Variants in PCDH9 observed in about 807,000 individuals in gnomAD.
PCDH9 encodes the protein protocadherin-9.
In PCDH9, 24 loss-of-function variants were observed where a neutral mutation model predicts 70.6. That is an observed-to-expected ratio of 0.34 (90% CI 0.25 to 0.48). The LOEUF (loss-of-function observed/expected upper bound fraction) is 0.48, where lower values mean the gene tolerates loss of function less well. Ranked by LOEUF, PCDH9 falls within the 20% of genes least tolerant of loss-of-function variation. The pLI is 0.99. For missense variants in PCDH9, 1,281 were observed against 1,503.6 expected (o/e 0.85, Z 2.45); for synonymous variants, 562 against 558.5 (o/e 1.01, Z -0.09).
intron 3 of PCDH9, among the ~76,000 whole-genome samples, chr13:66,807,744 C>A (rs889636493): frequency 6.6e-6 from 1 of 152,020 alleles, no homozygotes; most frequent in African/African-American, 2.4e-5. Flanking sequence ...ATATGTCAGG[C>A]CCTTAGAATT....
At chr13:66,654,661 T>C (rs1248117651) in intron 3 of PCDH9, among the ~76,000 whole-genome samples, 1 of 152,068 alleles carries the variant, frequency 6.6e-6, no homozygotes, top group Non-Finnish European at 1.5e-5. Context: ...TGAGTTGACA[T>C]ATAGAAAAAA....
chr13:66,652,145 CT>C (rs1251451620), intron 3 of PCDH9, among the ~76,000 whole-genome samples: 1 of 151,960 alleles, frequency 6.6e-6, no homozygotes, highest in Non-Finnish European at 1.5e-5. Context: ...ACTGAAAATC[CT>C]AGTTAGAACA....
chr13:66,474,801 T>C (rs1375391227), intron 4 of PCDH9, among the ~76,000 whole-genome samples: 1 of 152,076 alleles, frequency 6.6e-6, no homozygotes, highest in Non-Finnish European at 1.5e-5. Context: ...CTACTCTCTC[T>C]TTCTTCCAAA....
intron 3 of PCDH9, among the ~76,000 whole-genome samples, chr13:66,644,347 G>A (rs561005467): frequency 2.6e-5 from 4 of 151,502 alleles, no homozygotes; most frequent in Middle Eastern, 3.4e-3. Context: ...ATGTTAAATC[G>A]TAGGGAAAAC....
chr13:66,372,989 C>A (rs1235580530), intron 4 of PCDH9, among the ~76,000 whole-genome samples: 3 of 151,722 alleles, frequency 2.0e-5, no homozygotes, highest in Non-Finnish European at 4.4e-5. Context: ...TAATACATAT[C>A]CAAAAGAATT....
chr13:67,021,852 G>A (rs1484942598), intron 2 of PCDH9, among the ~76,000 whole-genome samples: 2 of 151,854 alleles, frequency 1.3e-5, no homozygotes, highest in Admixed American at 6.6e-5. Context: ...GAGCCACCAT[G>A]CCTGGCGATA....
chr13:66,527,810 G>A (rs1960280122), intron 4 of PCDH9, among the ~76,000 whole-genome samples: 1 of 152,124 alleles, frequency 6.6e-6, no homozygotes, highest in Admixed American at 6.6e-5. Context: ...TTGAGGTCAG[G>A]AGTTCAAGAC....
intron 3 of PCDH9, among the ~76,000 whole-genome samples, chr13:66,823,451 T>C (rs1258714047): frequency 6.6e-6 from 1 of 151,794 alleles, no homozygotes; most frequent in Non-Finnish European, 1.5e-5. Context: ...AATATAAAGA[T>C]AATTACTTCA....
chr13:66,737,257 T>A (rs1255664888), intron 3 of PCDH9, among the ~76,000 whole-genome samples: 1 of 152,176 alleles, frequency 6.6e-6, no homozygotes, highest in African/African-American at 2.4e-5. Context: ...TTTTGTCTGG[T>A]TTCTGCCATG....
At chr13:66,912,677 T>C (rs1245249609) in intron 2 of PCDH9, among the ~76,000 whole-genome samples, 1 of 151,956 alleles carries the variant, frequency 6.6e-6, no homozygotes, top group African/African-American at 2.4e-5. Context: ...TTTAAAATAT[T>C]TGAAAAATTA....
chr13:66,804,476 G>A (rs1256246421), intron 3 of PCDH9, among the ~76,000 whole-genome samples: 2 of 151,966 alleles, frequency 1.3e-5, no homozygotes, highest in African/African-American at 4.8e-5. Flanking sequence ...TTGAGATAGA[G>A]AGGAAGATTG....
chr13:66,614,146 G>A (rs767387097), intron 4 of PCDH9, among the ~76,000 whole-genome samples: 3 of 152,158 alleles, frequency 2.0e-5, no homozygotes, highest in Non-Finnish European at 4.4e-5. Context: ...TTACATGTAA[G>A]GGAGTAAGAA....
At chr13:66,730,862 TTTTG>T (rs757415185) in intron 3 of PCDH9, among the ~76,000 whole-genome samples, 3 of 87,914 alleles carry the variant, frequency 3.4e-5, no homozygotes, top group African/African-American at 1.3e-4. Context: ...GTTTTTGTTT[TTTTG>T]TGTGTGTGTG....
chr13:67,059,290 A>C (rs1288642229), intron 2 of PCDH9, among the ~76,000 whole-genome samples: 1 of 150,390 alleles, frequency 6.6e-6, no homozygotes, highest in Non-Finnish European at 1.5e-5. Context: ...GATCTCGTGA[A>C]TCTGACATTT....
chr13:66,847,846 C>T (rs570025111), intron 3 of PCDH9, among the ~76,000 whole-genome samples: 3 of 152,288 alleles, frequency 2.0e-5, no homozygotes, highest in Admixed American at 1.3e-4. Context: ...TGTGAGATTT[C>T]ATCACGCTAC....
intron 2 of PCDH9, among the ~76,000 whole-genome samples, chr13:66,918,673 C>T (rs888775469): frequency 1.3e-5 from 2 of 150,424 alleles, no homozygotes; most frequent in Admixed American, 1.3e-4. Flanking sequence ...TAAAATAGAC[C>T]CACTATTTTA....
intron 2 of PCDH9, among the ~76,000 whole-genome samples, chr13:67,048,345 G>A (rs2085262278): frequency 2.0e-5 from 3 of 152,150 alleles, no homozygotes; most frequent in Middle Eastern, 3.2e-3. Context: ...GGAAGGTACA[G>A]TAAATTTTAT....
In PCDH9 at chr13:66,319,463, C is replaced by T. The variant is rs556438889; in HGVS notation, c.3341-14435G>A. Reference sequence around the variant, plus strand: ...TCACAATGTGAAAGCATGACTCCTCCCTGTGAGGTGCCATGGCTTGAGCAT... The same window carrying T: ...TCACAATGTGAAAGCATGACTCCTCTCTGTGAGGTGCCATGGCTTGAGCAT... On this transcript the variant is annotated intron_variant, in intron 4 of 4. Transcript: ENST00000377865. Among the ~76,000 whole-genome samples the T allele has an allele frequency of 1.3e-4, 20 of 150,956 alleles. 1 individual carries two copies. Among genetic ancestry groups the T allele is most frequent in the African/African-American group, 4.7e-4 (19 of 40,326 alleles).
intron 4 of PCDH9, among the ~76,000 whole-genome samples, chr13:66,527,550 T>C (rs1157794341): frequency 2.0e-5 from 3 of 152,312 alleles, no homozygotes; most frequent in Admixed American, 1.3e-4. Flanking sequence ...AAAGAACTTT[T>C]TGTTTTTTTG....
Sources: gnomAD v4.1 joint callset for allele counts (sites outside exome capture counted in the v4.1 genomes callset) on GRCh38, gnomAD v4.1.1 for gene constraint, MANE v1.5 for transcripts, NCBI Gene and HGNC (gene_info 2026-07-23, HGNC 2026-07-21) for gene names.